LRP4: variants seen among roughly 807,000 people sequenced by gnomAD.
LRP4 encodes the protein low-density lipoprotein receptor-related protein 4.
In LRP4, 95 loss-of-function variants were observed where a neutral mutation model predicts 220.3. That is an observed-to-expected ratio of 0.43 (90% CI 0.37 to 0.51). The LOEUF (loss-of-function observed/expected upper bound fraction) is 0.51, where lower values mean the gene tolerates loss of function less well. Among genes scored for constraint, LRP4 ranks in the 20% least tolerant of loss-of-function variants. The pLI, the probability that LRP4 is intolerant of heterozygous loss-of-function variation, is 0.00. For missense variants in LRP4, 1,925 were observed against 2,567.0 expected (o/e 0.75, Z 5.40); for synonymous variants, 903 against 954.6 (o/e 0.95, Z 1.00).
intron 34 of LRP4, 152 bp downstream of exon 34, chr11:46,867,827 G>A: frequency 1.1e-6 from 1 of 907,048 alleles, no homozygotes; most frequent in Non-Finnish European, 1.7e-6. Flanking sequence ...CAATCTACAA[G>A]TCTGAATATC....
At chr11:46,872,951 T>C in intron 30 of LRP4, 149 bp downstream of exon 30, 1 of 1,189,816 alleles carries the variant, frequency 8.4e-7, no homozygotes, top group Non-Finnish European at 1.2e-6. Flanking sequence ...ATCGCTGCTC[T>C]AAGAATATAT....
chr11:46,864,711 G>C (rs1431856403), intron 35 of LRP4, among the ~76,000 whole-genome samples, 176 bp from the exon 36 acceptor site: 3 of 152,210 alleles, frequency 2.0e-5, no homozygotes, highest in Non-Finnish European at 4.4e-5. Flanking sequence ...AGGAGGCTGA[G>C]AAGAAATCTG....
At position 46,900,332 on chromosome 11, in the gene LRP4, C is replaced by T. The variant is rs1372639300; in HGVS notation, c.246G>A (p.Lys82=). 6.2e-7 allele frequency: 1 copy of T among 1,614,024 alleles called. No homozygotes were observed. The highest frequency in any genetic ancestry group is 8.5e-7 in the Non-Finnish European group (1 of 1,180,012). The change falls in exon 3 of 38, where the codon AAG becomes AAA. Residue 82 remains lysine, a synonymous_variant. Coordinates refer to ENST00000378623, the MANE Select transcript of LRP4 (RefSeq NM_002334.4). The part of the protein sequence containing the change: ...SPLDFHCDNG[K]CIRRSWVCDG... ...CACACACCCAGGAGCGGCGGATGCA[C>T]TTGCCATTGTCACAGTGAAAGTCAA...
chr11:46,888,548 C>CAAAAAAAAAAAAAAAAAAAAAAAAAAA lies in LRP4; in HGVS notation c.2215+862_2215+863insTTTTTTTTTTTTTTTTTTTTTTTTTTT, dbSNP rs71042635. Among the ~76,000 whole-genome samples the CAAAAAAAAAAAAAAAAAAAAAAAAAAA allele has an allele frequency of 6.4e-5, 2 of 31,312 alleles. 1 individual carries two copies. The highest frequency in any genetic ancestry group is 1.4e-3 in the Admixed American group (2 of 1,466). The allele number at this position is 31,312 out of a possible 152,430, so 20.5% of individuals were successfully genotyped here. ...AGCCTGGACAAGAGCAAAACTGTCT[C>CAAAAAAAAAAAAAAAAAAAAAAAAAAA]AAAAAAAAAAAAAAAAAAAAAAAAA... On this transcript the variant is annotated intron_variant, in intron 16 of 37. Coordinates refer to ENST00000378623, the MANE Select transcript of LRP4 (RefSeq NM_002334.4).
intron 2 of LRP4, among the ~76,000 whole-genome samples, chr11:46,901,224 G>A (rs535014485): frequency 1.3e-5 from 2 of 152,324 alleles, no homozygotes; most frequent in East Asian, 3.9e-4. Flanking sequence ...TCACAGGGTA[G>A]GGGAAGAACA....
At chr11:46,895,022 C>G in intron 11 of LRP4, 144 bp downstream of exon 11, 4 of 1,105,506 alleles carry the variant, frequency 3.6e-6, no homozygotes, top group Non-Finnish European at 5.4e-6. Context: ...CAGCATTTTT[C>G]TTGGGGCTCA....
chr11:46,889,841 T>A, intron 15 of LRP4, 103 bp downstream of exon 15: 1 of 1,321,500 alleles, frequency 7.6e-7, no homozygotes, highest in Non-Finnish European at 1.1e-6. Flanking sequence ...GATTTCCCCA[T>A]CAGAAGAAAT....
chr11:46,889,765 G>T, intron 15 of LRP4, 179 bp downstream of exon 15: 1 of 847,644 alleles, frequency 1.2e-6, no homozygotes, highest in Non-Finnish European at 1.9e-6. Context: ...ATCTTTTCGT[G>T]AATCTTGTTG....
At chr11:46,864,049 G>A (rs991945736) in intron 36 of LRP4, among the ~76,000 whole-genome samples, 2 of 152,182 alleles carry the variant, frequency 1.3e-5, no homozygotes, top group Non-Finnish European at 2.9e-5. Context: ...AACCAATATT[G>A]TAGTAAAAGG....
At chr11:46,893,160 G>T (rs767873190) in intron 12 of LRP4, 31 bp from the exon 13 acceptor site, 3 of 1,613,948 alleles carry the variant, frequency 1.9e-6, no homozygotes, top group Non-Finnish European at 1.7e-6. Context: ...AAAATGTCAA[G>T]GAGTCAACCC....
intron 32 of LRP4, 101 bp from the exon 33 acceptor site, chr11:46,868,814 G>T: frequency 8.2e-7 from 1 of 1,225,340 alleles, no homozygotes; most frequent in South Asian, 1.2e-5. Flanking sequence ...CCTACTCCCA[G>T]GGACAGGGGA....
At chr11:46,895,106 ACCTGGC>A in intron 11 of LRP4, 54 bp downstream of exon 11, 4 of 1,608,442 alleles carry the variant, frequency 2.5e-6, no homozygotes, top group Non-Finnish European at 3.4e-6. Flanking sequence ...GCACCAGAGT[ACCTGGC>A]CTTCCTCCAT....
In LRP4 at chr11:46,918,033, G is replaced by C. The variant is rs1342357073; in HGVS notation, c.52+295C>G. ...TGAAAGGGAAGCAGCCCCCGCTCTTGAAAGAGCAGCGAGGGAGGGCGAGCG... is the reference window on the plus strand; with the variant it reads ...TGAAAGGGAAGCAGCCCCCGCTCTTCAAAGAGCAGCGAGGGAGGGCGAGCG... On this transcript the variant is annotated intron_variant, in intron 1 of 37. Coordinates refer to ENST00000378623, the MANE Select transcript of LRP4 (RefSeq NM_002334.4). The surrounding 1 kb of genome is among the most constrained non-coding windows in gnomAD (Gnocchi z 6.0). Among the ~76,000 whole-genome samples the C allele has an allele frequency of 5.9e-5, 9 of 152,216 alleles. No individual in the cohort carries two copies. The highest frequency in any genetic ancestry group is 1.3e-4 in the Non-Finnish European group (9 of 68,036).
rs764906166 is a variant in LRP4, at chr11:46,896,912, G to A, written c.879C>T (p.Asp293=). 12 of 1,614,178 alleles carry A rather than the reference G, an allele frequency of 7.4e-6. No homozygotes were observed. Among genetic ancestry groups the A allele is most frequent in the Admixed American group, 6.7e-5 (4 of 60,026 alleles). Residue 293 remains aspartate, a synonymous_variant, in exon 8 of 38, where the codon GAC becomes GAT. Transcript: ENST00000378623. ...CTTCATCGCTGTTGTCTGCACAGTC[G>A]TCCTCCCCATCACAGCGCCAGGACA... ...VRLSWRCDGE[D]DCADNSDEEN...
chr11:46,883,737 G>A, intron 19 of LRP4, 134 bp downstream of exon 19: 2 of 693,138 alleles, frequency 2.9e-6, no homozygotes, highest in Admixed American at 2.5e-5. Context: ...CCAGCCTCTG[G>A]TTTCTACAGC....
chr11:46,871,707 T>G (rs1454965983), intron 30 of LRP4, 74 bp from the exon 31 acceptor site: 3 of 984,776 alleles, frequency 3.0e-6, no homozygotes, highest in Non-Finnish European at 4.8e-6. Flanking sequence ...TATGAACCTG[T>G]TTGTCCCCTC....
intron 2 of LRP4, 138 bp downstream of exon 2, chr11:46,902,645 A>G (rs913261544): frequency 7.2e-6 from 7 of 968,632 alleles, no homozygotes; most frequent in African/African-American, 3.2e-5. Flanking sequence ...CCAAATGTCA[A>G]TATCTATCAA....
At chr11:46,881,579 A>G (rs1941160767) in intron 20 of LRP4, 123 bp downstream of exon 20, 1 of 959,492 alleles carries the variant, frequency 1.0e-6, no homozygotes, top group South Asian at 1.3e-5. Flanking sequence ...TGCTGGTCCC[A>G]TAACCTCCAG....
Position 46,894,740 on chromosome 11 carries a change from C to T in LRP4, c.1389G>A (p.Leu463=). The T allele has an allele frequency of 6.2e-7, 1 of 1,614,222 alleles. No homozygotes were observed. The highest frequency in any genetic ancestry group is 8.5e-7 in the Non-Finnish European group (1 of 1,180,042). ...VLPHRSEYTL[L]LNNLENAIAL... ...CAATGGCATTCTCCAGGTTGTTAAG[C>T]AGCAGTGTGTACTCAGAGCGGTGTG... Residue 463 remains leucine, a synonymous_variant, in exon 12 of 38, where the codon CTG becomes CTA. Coordinates refer to ENST00000378623, the MANE Select transcript of LRP4 (RefSeq NM_002334.4).
Sources: allele counts gnomAD v4.1 joint callset (sites outside exome capture counted in the v4.1 genomes callset), GRCh38; gene constraint gnomAD v4.1.1; non-coding constraint Gnocchi (gnomAD v3.1); transcripts MANE v1.5; gene names NCBI Gene and HGNC (gene_info 2026-07-23, HGNC 2026-07-21).